The following MBD5 variants were observed in gnomAD, a reference collection of about 807,000 sequenced individuals.
MBD5 encodes the protein methyl-CpG-binding domain protein 5.
Under a neutral mutation model 117.3 loss-of-function variants are expected in MBD5, and 13 were observed. The observed-to-expected ratio is 0.11, with a 90% CI of 0.07 to 0.18. The LOEUF is 0.18. Among genes scored for constraint, MBD5 ranks in the 10% least tolerant of loss-of-function variants. MBD5 has a pLI of 1.00. For synonymous variants in MBD5, 727 were observed against 766.4 expected, an observed-to-expected ratio of 0.95 and a Z score of 0.85; for missense variants, 1,879 against 2,093.8, an observed-to-expected ratio of 0.90 and a Z score of 2.00.
At chr2:148,464,503 T>C (rs953030059) in intron 7 of MBD5, among the ~76,000 whole-genome samples, 2 of 152,020 alleles carry the variant, frequency 1.3e-5, no homozygotes, top group Non-Finnish European at 2.9e-5. Flanking sequence ...ATTGTGACAA[T>C]TCAACCCTAA....
intron 2 of MBD5, among the ~76,000 whole-genome samples, chr2:148,201,946 G>A (rs1021150198): frequency 5.9e-5 from 9 of 152,144 alleles, no homozygotes; most frequent in East Asian, 1.9e-4. Flanking sequence ...GGGATGAATC[G>A]GAGGAAAGCA....
At chr2:148,168,054 G>A (rs1191185169) in intron 1 of MBD5, among the ~76,000 whole-genome samples, 2 of 152,120 alleles carry the variant, frequency 1.3e-5, no homozygotes, top group African/African-American at 4.8e-5. Context: ...CCGAAAGGGG[G>A]CAGTACAACT....
chr2:148,140,379 TAAAA>T (rs1430349985), intron 1 of MBD5, among the ~76,000 whole-genome samples: 2 of 152,178 alleles, frequency 1.3e-5, no homozygotes, highest in African/African-American at 4.8e-5. Flanking sequence ...CAAAAGCAGA[TAAAA>T]AAATTATGTT....
At chr2:148,400,213 C>CT (rs750168487) in intron 4 of MBD5, among the ~76,000 whole-genome samples, 12 of 151,462 alleles carry the variant, frequency 7.9e-5, no homozygotes, top group Non-Finnish European at 1.3e-4. Flanking sequence ...TTAACTTTTT[C>CT]TTTTTTACTT....
At chr2:148,486,305 T>C (rs1415957469) in intron 10 of MBD5, among the ~76,000 whole-genome samples, 1 of 152,168 alleles carries the variant, frequency 6.6e-6, no homozygotes, top group African/African-American at 2.4e-5. Context: ...TTCCCCTGGC[T>C]TCAGCCACAT....
intron 1 of MBD5, among the ~76,000 whole-genome samples, chr2:148,155,773 A>C (rs1697858220): frequency 6.6e-6 from 1 of 152,198 alleles, no homozygotes; most frequent in Admixed American, 6.5e-5. Context: ...TGCCCTTAGA[A>C]AACTCATAGT....
At chr2:148,181,051 T>C (rs1698523015) in intron 2 of MBD5, among the ~76,000 whole-genome samples, 1 of 152,224 alleles carries the variant, frequency 6.6e-6, no homozygotes, top group South Asian at 2.1e-4. Flanking sequence ...TAGCATCTTA[T>C]GGTACAATTT....
Position 148,469,917 on chromosome 2 carries a change from A to G in MBD5, c.1974A>G (p.Lys658=), listed in dbSNP as rs2105638538. The stretch of plus-strand genomic sequence containing the variant: ...CTCAGCAAAAAGACGCATTGCGGAA[A>G]AGAAAACAACCACCTACGACAGTGT... ...LMSQQKDALR[K]RKQPPTTVLS... is the part of the protein sequence containing the mutation. Residue 658 remains lysine (K), a synonymous_variant, in exon 8 of 14, where the codon AAA becomes AAG. Transcript: ENST00000642680. 1 of 1,613,996 alleles carries G rather than the reference A, an allele frequency of 6.2e-7. No individual in the cohort carries two copies. The highest frequency in any genetic ancestry group is 8.5e-7 in the Non-Finnish European group (1 of 1,179,912).
At chr2:148,108,907 C>T (rs1272479446) in intron 1 of MBD5, among the ~76,000 whole-genome samples, 1 of 152,072 alleles carries the variant, frequency 6.6e-6, no homozygotes, top group African/African-American at 2.4e-5. Flanking sequence ...GTTGCATGGG[C>T]ATTACATTTG....
intron 1 of MBD5, among the ~76,000 whole-genome samples, chr2:148,168,024 T>C (rs772493237): frequency 6.6e-6 from 1 of 152,196 alleles, no homozygotes; most frequent in Non-Finnish European, 1.5e-5. Context: ...TAAGTACTTA[T>C]TGGTTTCTTT....
At chr2:148,146,077 G>T (rs1250204509) in intron 1 of MBD5, among the ~76,000 whole-genome samples, 1 of 152,088 alleles carries the variant, frequency 6.6e-6, no homozygotes, top group African/African-American at 2.4e-5. Flanking sequence ...ATTGTATATT[G>T]ATATGACACT....
intron 3 of MBD5, among the ~76,000 whole-genome samples, chr2:148,247,022 C>T (rs1401168189): frequency 6.6e-6 from 1 of 152,104 alleles, no homozygotes; most frequent in Non-Finnish European, 1.5e-5. Context: ...ATATTATTCT[C>T]TGCAACACCA....
intron 4 of MBD5, among the ~76,000 whole-genome samples, chr2:148,345,420 T>C (rs886733546): frequency 4.2e-5 from 6 of 144,080 alleles, no homozygotes; most frequent in Admixed American, 2.1e-4. Flanking sequence ...TACATATACA[T>C]ATATACACAT....
intron 2 of MBD5, among the ~76,000 whole-genome samples, chr2:148,223,048 A>G (rs535672285): frequency 9.9e-4 from 151 of 152,162 alleles, no homozygotes; most frequent in African/African-American, 3.3e-3. Flanking sequence ...CTTTCATTCT[A>G]TTGATATGAT....
chr2:148,200,382 G>A (rs1311177505), intron 2 of MBD5, among the ~76,000 whole-genome samples: 1 of 152,168 alleles, frequency 6.6e-6, no homozygotes, highest in African/African-American at 2.4e-5. Context: ...TCAGACTTAA[G>A]TTGTTTTTGA....
chr2:148,155,118 T>G (rs940913025), intron 1 of MBD5, among the ~76,000 whole-genome samples: 15 of 152,178 alleles, frequency 9.9e-5, no homozygotes, highest in Non-Finnish European at 1.8e-4. Flanking sequence ...TATTGACAAA[T>G]TCTTTGGAGA....
chr2:148,229,414 C>G (rs761396903), intron 2 of MBD5, among the ~76,000 whole-genome samples: 7 of 152,102 alleles, frequency 4.6e-5, no homozygotes, highest in Non-Finnish European at 8.8e-5. Flanking sequence ...TCTTGAATTT[C>G]TTTGACTTTC....
At chr2:148,066,468 G>A (rs1695196482) in intron 1 of MBD5, among the ~76,000 whole-genome samples, 1 of 150,410 alleles carries the variant, frequency 6.6e-6, no homozygotes, top group Non-Finnish European at 1.5e-5. Context: ...TAGATCTACC[G>A]CATATACCAT....
At chr2:148,099,665 GT>G (rs1431241347) in intron 1 of MBD5, among the ~76,000 whole-genome samples, 1 of 152,132 alleles carries the variant, frequency 6.6e-6, no homozygotes, top group Non-Finnish European at 1.5e-5. Flanking sequence ...AAATCAGAAT[GT>G]TTTACCACTG....
Sources: gnomAD v4.1 joint callset for allele counts (sites outside exome capture counted in the v4.1 genomes callset) on GRCh38, gnomAD v4.1.1 for gene constraint, MANE v1.5 for transcripts, NCBI Gene and HGNC (gene_info 2026-07-23, HGNC 2026-07-21) for gene names.